Variants in GAB2 observed in about 807,000 individuals in gnomAD.
The protein encoded by GAB2 is GRB2-associated-binding protein 2.
GAB2 carries 26 observed loss-of-function variants against 65.5 expected under a neutral mutation model. That is an observed-to-expected ratio of 0.40 (90% CI 0.29 to 0.55). The LOEUF (loss-of-function observed/expected upper bound fraction) is 0.55, where lower values mean the gene tolerates loss of function less well. Ranked by LOEUF, GAB2 falls within the 20% of genes least tolerant of loss-of-function variation. GAB2 has a pLI of 0.53. For missense variants in GAB2, 884 were observed against 875.8 expected (o/e 1.01, Z -0.12); for synonymous variants, 321 against 329.6 (o/e 0.97, Z 0.28).
intron 1 of GAB2, chr11:78,341,732 G>A (rs577100566): frequency 5.1e-6 from 5 of 982,770 alleles, no homozygotes; most frequent in South Asian, 4.7e-5. Flanking sequence ...GTACTTGCCC[G>A]CCATACTCTT....
intron 1 of GAB2, among the ~76,000 whole-genome samples, chr11:78,407,677 G>GAAAA (rs1203340417): frequency 7.0e-6 from 1 of 142,044 alleles, no homozygotes; most frequent in Non-Finnish European, 1.5e-5. Flanking sequence ...AAGAAAGAAA[G>GAAAA]AAAGAAAGAA....
chr11:78,346,459 C>T (rs1471416126), intron 1 of GAB2, among the ~76,000 whole-genome samples: 1 of 151,648 alleles, frequency 6.6e-6, no homozygotes, highest in Non-Finnish European at 1.5e-5. Flanking sequence ...AATAGGAAAT[C>T]GAACTTCATA....
intron 3 of GAB2, among the ~76,000 whole-genome samples, chr11:78,243,431 G>GCACACCAGC (rs1336983843): frequency 5.5e-4 from 83 of 152,234 alleles, no homozygotes; most frequent in Middle Eastern, 3.4e-3. Flanking sequence ...TCGCGCAGCT[G>GCACACCAGC]CACACCAGCC....
intron 1 of GAB2, among the ~76,000 whole-genome samples, chr11:78,284,558 T>C (rs1413948247): frequency 1.3e-5 from 2 of 152,112 alleles, no homozygotes; most frequent in African/African-American, 4.8e-5. Context: ...TGCCTCACGG[T>C]CTTTAGTCTA....
chr11:78,415,845 T>C (rs898356085), intron 1 of GAB2, among the ~76,000 whole-genome samples: 1 of 152,156 alleles, frequency 6.6e-6, no homozygotes, highest in Non-Finnish European at 1.5e-5. Context: ...ATAAGTCAAA[T>C]GTAGATACAG....
At chr11:78,354,540 A>C (rs1337528707) in intron 1 of GAB2, among the ~76,000 whole-genome samples, 1 of 152,150 alleles carries the variant, frequency 6.6e-6, no homozygotes, top group Non-Finnish European at 1.5e-5. Context: ...AGGACTGGTC[A>C]TCTGGAGTGG....
At chr11:78,236,523 C>T (rs1469318995) in intron 3 of GAB2, among the ~76,000 whole-genome samples, 1 of 152,178 alleles carries the variant, frequency 6.6e-6, no homozygotes, top group Non-Finnish European at 1.5e-5. Context: ...GTGGTAAGAA[C>T]AGGTACTTTC....
rs567834379 is a variant in GAB2, at chr11:78,223,896, C to T, written c.1303-220G>A. Among the ~76,000 whole-genome samples, 4 of 152,170 alleles carry T rather than the reference C, an allele frequency of 2.6e-5. No individual in the cohort carries two copies. The South Asian group carries it at 8.3e-4, about 32-fold the overall frequency. ...AGGGGTTCGAGACCAGCTTGGCCAACATGGCAAAACCTCCTCTCTACTAAA... is the reference window on the plus strand; with the variant it reads ...AGGGGTTCGAGACCAGCTTGGCCAATATGGCAAAACCTCCTCTCTACTAAA... On this transcript the variant is annotated intron_variant, in intron 5 of 9. Transcript: ENST00000361507.
At chr11:78,407,633 CAAAGAAAGAAAG>C (rs1166069461) in intron 1 of GAB2, among the ~76,000 whole-genome samples, 2 of 93,302 alleles carry the variant, frequency 2.1e-5, no homozygotes, top group African/African-American at 7.1e-5. Flanking sequence ...AACTCCTTCT[CAAAGAAAGAAAG>C]AAAGAAAGAA....
intron 1 of GAB2, among the ~76,000 whole-genome samples, chr11:78,354,597 G>T (rs1189556043): frequency 6.6e-6 from 1 of 152,156 alleles, no homozygotes; most frequent in Non-Finnish European, 1.5e-5. Context: ...CTATGCCAAA[G>T]ACCTGGTCTG....
intron 3 of GAB2, among the ~76,000 whole-genome samples, chr11:78,229,715 C>A (rs1009379961): frequency 1.3e-5 from 2 of 152,236 alleles, no homozygotes; most frequent in African/African-American, 2.4e-5. Context: ...CCCAACTCAT[C>A]TCACCAATCT....
At chr11:78,270,102 G>T (rs1276081639) in intron 2 of GAB2, among the ~76,000 whole-genome samples, 1 of 152,140 alleles carries the variant, frequency 6.6e-6, no homozygotes, top group African/African-American at 2.4e-5. Context: ...GCCAAGGCGG[G>T]TGGATCACGA....
intron 1 of GAB2, among the ~76,000 whole-genome samples, chr11:78,282,833 C>G (rs897782175): frequency 2.6e-5 from 4 of 152,164 alleles, no homozygotes; most frequent in Non-Finnish European, 5.9e-5. Flanking sequence ...ACCATCTTTT[C>G]ACTCTCACCT....
chr11:78,411,872 A>G (rs1438562977), intron 1 of GAB2, among the ~76,000 whole-genome samples: 1 of 152,128 alleles, frequency 6.6e-6, no homozygotes, highest in Non-Finnish European at 1.5e-5. Context: ...TCTACTAAAA[A>G]TACAAAAATG....
intron 1 of GAB2, among the ~76,000 whole-genome samples, chr11:78,358,983 G>T (rs1856398274): frequency 6.6e-6 from 1 of 152,152 alleles, no homozygotes; most frequent in Non-Finnish European, 1.5e-5. Context: ...CCATGGTCAA[G>T]TTAAACAGAT....
chr11:78,262,052 T>A (rs1224972326), intron 2 of GAB2, among the ~76,000 whole-genome samples: 1 of 152,152 alleles, frequency 6.6e-6, no homozygotes, highest in Non-Finnish European at 1.5e-5. Flanking sequence ...GACTTATCAG[T>A]TGTGGATGCT....
intron 1 of GAB2, among the ~76,000 whole-genome samples, chr11:78,320,743 T>C (rs1263487876): frequency 1.3e-5 from 2 of 150,192 alleles, no homozygotes; most frequent in African/African-American, 2.5e-5. Flanking sequence ...TTTTTTTTTT[T>C]TTTGGTAGAG....
intron 1 of GAB2, among the ~76,000 whole-genome samples, chr11:78,398,155 T>C (rs972981923): frequency 6.6e-6 from 1 of 152,206 alleles, no homozygotes; most frequent in Non-Finnish European, 1.5e-5. Context: ...TCCCCTGCTC[T>C]TGCAAGTCAG....
intron 2 of GAB2, among the ~76,000 whole-genome samples, chr11:78,276,966 C>A (rs993451249): frequency 6.6e-6 from 1 of 152,078 alleles, no homozygotes; most frequent in East Asian, 1.9e-4. Flanking sequence ...TACAGTTGCC[C>A]GCCACCACGC....
Sources: gnomAD v4.1 joint callset for allele counts (sites outside exome capture counted in the v4.1 genomes callset) on GRCh38, gnomAD v4.1.1 for gene constraint, MANE v1.5 for transcripts, NCBI Gene and HGNC (gene_info 2026-07-23, HGNC 2026-07-21) for gene names.